TCF7L2: variants seen among roughly 807,000 people sequenced by gnomAD.
TCF7L2 encodes the protein transcription factor 7-like 2.
In TCF7L2, 23 loss-of-function variants were observed where a neutral mutation model predicts 77.9. The ratio of observed to expected loss-of-function variants is 0.30; its 90% CI spans 0.21 to 0.42. TCF7L2 has a LOEUF of 0.42. Among genes scored for constraint, TCF7L2 ranks in the 10% least tolerant of loss-of-function variants. TCF7L2 has a pLI of 1.00. For synonymous variants in TCF7L2, 413 were observed against 340.2 expected (o/e 1.21, Z -2.36); for missense variants, 654 against 793.1 (o/e 0.82, Z 2.11).
intron 3 of TCF7L2, among the ~76,000 whole-genome samples, chr10:112,952,493 G>A (rs2032038225): frequency 6.6e-6 from 1 of 152,160 alleles, no homozygotes; most frequent in South Asian, 2.1e-4. Flanking sequence ...CTTGGTTTGT[G>A]TGCAGCCGGA....
chr10:113,150,908 GTTTTT>G, intron 8 of TCF7L2, 85 bp from the exon 9 acceptor site: 1 of 1,307,884 alleles, frequency 7.6e-7, no homozygotes, highest in Non-Finnish European at 1.0e-6. Context: ...GTTACGTGCT[GTTTTT>G]TTTTTTCTTT....
intron 11 of TCF7L2, among the ~76,000 whole-genome samples, chr10:113,154,395 C>T (rs936969995): frequency 6.6e-6 from 1 of 152,112 alleles, no homozygotes; most frequent in Non-Finnish European, 1.5e-5. Flanking sequence ...AGAATGATAC[C>T]ACAGAGCGGA....
intron 1 of TCF7L2, 88 bp from the exon 2 acceptor site, chr10:112,951,117 CCT>C (rs1554854227): frequency 7.7e-7 from 1 of 1,306,266 alleles, no homozygotes; most frequent in Non-Finnish European, 1.0e-6. Context: ...TCTACCCCCC[CCT>C]CGACCTCGCC....
chr10:112,984,391 C>G (rs1383357752), intron 4 of TCF7L2, among the ~76,000 whole-genome samples: 1 of 152,146 alleles, frequency 6.6e-6, no homozygotes, highest in East Asian at 1.9e-4. Flanking sequence ...TCCTCCCCTC[C>G]TTTACTCTAA....
chr10:113,093,166 T>C (rs12259798), intron 5 of TCF7L2, among the ~76,000 whole-genome samples: 3,387 of 152,320 alleles, frequency 0.022, 119 homozygotes, highest in African/African-American at 0.078. Flanking sequence ...CAGGAACTAC[T>C]GTACGAACTA....
intron 4 of TCF7L2, among the ~76,000 whole-genome samples, chr10:112,998,690 A>G (rs772128204): frequency 1.3e-4 from 20 of 152,192 alleles, no homozygotes; most frequent in Admixed American, 4.6e-4. Flanking sequence ...ATAACTAGGA[A>G]AAGGTTAGAG....
At chr10:112,979,370 G>T (rs1409891982) in intron 4 of TCF7L2, among the ~76,000 whole-genome samples, 1 of 152,046 alleles carries the variant, frequency 6.6e-6, no homozygotes, top group African/African-American at 2.4e-5. Context: ...TGCCCATTCC[G>T]GGCACATCTT....
At position 113,151,672 on chromosome 10, in the gene TCF7L2, A is replaced by T. The variant is rs2137146574; in HGVS notation, c.1002-53A>T. The T allele has an allele frequency of 6.5e-7, 1 of 1,532,120 alleles. No homozygotes were observed. The highest frequency in any genetic ancestry group is 8.7e-7 in the Non-Finnish European group (1 of 1,148,294). The allele number at this position is 1,532,120 out of a possible 1,614,324, so 94.9% of individuals were successfully genotyped here. Reference sequence around the variant, plus strand: ...GGAGATACGTTCCCTGCCATGGAGGAAGTTGGACCACGACCTTGTTTATTG... The same window carrying T: ...GGAGATACGTTCCCTGCCATGGAGGTAGTTGGACCACGACCTTGTTTATTG... On this transcript the variant is annotated intron_variant, in intron 9 of 13. Coordinates refer to ENST00000627217, the MANE Select transcript of TCF7L2 (RefSeq NM_001146274.2). This position sits in a 1 kb window ranked among gnomAD's most constrained non-coding sequence, Gnocchi z 5.2.
chr10:113,151,329 A>G lies in TCF7L2; in HGVS notation c.1001+206A>G, dbSNP rs1813132105. 6.6e-6 allele frequency among the ~76,000 whole-genome samples: 1 copy of G among 152,072 alleles called. No homozygotes were observed. The highest frequency in any genetic ancestry group is 2.4e-5 in the African/African-American group (1 of 41,398). On this transcript the variant is annotated intron_variant, in intron 9 of 13. Coordinates refer to ENST00000627217, the MANE Select transcript of TCF7L2 (RefSeq NM_001146274.2). The surrounding 1 kb of genome is among the most constrained non-coding windows in gnomAD (Gnocchi z 5.2). ...TCTCACTGTACCACCGTGGGTTAGA[A>G]CAGAACTGTTTTTTGTGTGTGTACT...
At chr10:113,080,625 TA>T (rs1313156735) in intron 5 of TCF7L2, among the ~76,000 whole-genome samples, 1 of 152,252 alleles carries the variant, frequency 6.6e-6, no homozygotes, top group African/African-American at 2.4e-5. Flanking sequence ...TCTCCTTTCA[TA>T]ATATCTGAAA....
intron 5 of TCF7L2, among the ~76,000 whole-genome samples, chr10:113,107,077 G>A (rs968321812): frequency 1.3e-5 from 2 of 152,194 alleles, no homozygotes; most frequent in Admixed American, 6.5e-5. Context: ...ACAAGCCGGT[G>A]CCCTGGGTTG....
At chr10:113,079,338 G>GCTGC (rs2059073973) in intron 5 of TCF7L2, among the ~76,000 whole-genome samples, 1 of 152,186 alleles carries the variant, frequency 6.6e-6, no homozygotes. Context: ...CATCTGCGTT[G>GCTGC]ATGTGGCCAC....
chr10:112,950,975 T>C (rs761135082), intron 1 of TCF7L2, 30 bp downstream of exon 1: 11 of 1,589,062 alleles, frequency 6.9e-6, no homozygotes, highest in Non-Finnish European at 8.5e-6. Context: ...CTGGTGGGGT[T>C]TTTTATCTGT....
At chr10:112,993,624 T>C (rs1010013850) in intron 4 of TCF7L2, among the ~76,000 whole-genome samples, 11 of 152,336 alleles carry the variant, frequency 7.2e-5, no homozygotes, top group Admixed American at 4.6e-4. Flanking sequence ...CTTATCGTTA[T>C]CTGTAAGTTA....
intron 3 of TCF7L2, among the ~76,000 whole-genome samples, chr10:112,963,160 C>A (rs1341725351): frequency 6.6e-6 from 1 of 152,006 alleles, no homozygotes; most frequent in Non-Finnish European, 1.5e-5. Flanking sequence ...GATCTCAGAG[C>A]CCACTGCATC....
intron 4 of TCF7L2, among the ~76,000 whole-genome samples, chr10:112,993,652 AAC>A (rs1241686756): frequency 6.6e-6 from 1 of 152,236 alleles, no homozygotes; most frequent in Non-Finnish European, 1.5e-5. Context: ...AAGCACTTAA[AAC>A]ACAGTGTTGG....
intron 4 of TCF7L2, among the ~76,000 whole-genome samples, chr10:112,981,197 C>T (rs1055091486): frequency 3.3e-5 from 5 of 151,768 alleles, no homozygotes; most frequent in African/African-American, 4.8e-5. Context: ...ACAGAAGATA[C>T]GATTTGTGAA....
At chr10:113,125,817 G>A (rs1185667728) in intron 5 of TCF7L2, 2 of 152,172 alleles carry the variant, frequency 1.3e-5, no homozygotes, top group Non-Finnish European at 1.5e-5. Context: ...AAAAAGTTCT[G>A]AAGCATTGGA....
At chr10:113,022,576 C>T (rs547950012) in intron 4 of TCF7L2, among the ~76,000 whole-genome samples, 7 of 152,262 alleles carry the variant, frequency 4.6e-5, no homozygotes, top group South Asian at 4.1e-4. Context: ...CCCCCTTAAG[C>T]GGTGGTTAAT....
Sources: allele counts gnomAD v4.1 joint callset (sites outside exome capture counted in the v4.1 genomes callset), GRCh38; gene constraint gnomAD v4.1.1; non-coding constraint Gnocchi (gnomAD v3.1); transcripts MANE v1.5; gene names NCBI Gene and HGNC (gene_info 2026-07-23, HGNC 2026-07-21).